The following ELAVL4 variants were observed in gnomAD, a reference collection of about 807,000 sequenced individuals.
ELAVL4 encodes the protein ELAV-like protein 4.
A neutral mutation model predicts 35.6 loss-of-function variants in ELAVL4; 1 was observed. The observed-to-expected ratio is 0.03, with a 90% CI of 0.01 to 0.13. The LOEUF (loss-of-function observed/expected upper bound fraction) is 0.13, where lower values mean the gene tolerates loss of function less well. Among genes scored for constraint, ELAVL4 ranks in the 10% least tolerant of loss-of-function variants. The pLI is 1.00. For synonymous variants in ELAVL4, 156 were observed against 171.0 expected (o/e 0.91, Z 0.69); for missense variants, 267 against 464.9 (o/e 0.57, Z 3.91).
intron 1 of ELAVL4, among the ~76,000 whole-genome samples, chr1:50,084,314 T>A (rs2148499160): frequency 6.6e-6 from 1 of 152,316 alleles, no homozygotes; most frequent in East Asian, 1.9e-4. Context: ...TTTATAGATT[T>A]GGTAACTAAG....
At chr1:50,135,122 C>T (rs966823799) in intron 1 of ELAVL4, among the ~76,000 whole-genome samples, 12 of 151,934 alleles carry the variant, frequency 7.9e-5, no homozygotes, top group African/African-American at 2.4e-4. Flanking sequence ...TTTTAAAAGC[C>T]CTGACTACCA....
In ELAVL4 at chr1:50,201,639, A is replaced by C. The variant is rs1644398634; in HGVS notation, c.*461A>C. On this transcript the variant is annotated 3_prime_UTR_variant, in exon 7 of 7. Transcript: ENST00000371824. This position sits in a 1 kb window ranked among gnomAD's most constrained non-coding sequence, Gnocchi z 4.3. ...TAATGGGATTCAAAGAAAGGAAAAA[A>C]AGATTTTTCTTTTTTGTCAAAATAT... The C allele has an allele frequency of 6.6e-6, 1 of 151,994 alleles. No individual in the cohort carries two copies. The highest frequency in any genetic ancestry group is 2.4e-5 in the African/African-American group (1 of 41,424). The allele number at this position is 151,994 out of a possible 1,614,324, so 9.4% of individuals were successfully genotyped here.
chr1:50,151,900 G>A (rs902732902), intron 2 of ELAVL4, among the ~76,000 whole-genome samples: 2 of 152,184 alleles, frequency 1.3e-5, no homozygotes, highest in Non-Finnish European at 2.9e-5. Context: ...GCCTAATGGG[G>A]TTGCAAAACA....
chr1:50,130,269 C>T (rs866594092), intron 1 of ELAVL4, among the ~76,000 whole-genome samples: 2 of 152,104 alleles, frequency 1.3e-5, no homozygotes, highest in Non-Finnish European at 2.9e-5. Flanking sequence ...AGTCCTCAGA[C>T]TTAGAGATTG....
chr1:50,082,303 A>G (rs1665043678), intron 1 of ELAVL4, among the ~76,000 whole-genome samples: 1 of 152,232 alleles, frequency 6.6e-6, no homozygotes, highest in Non-Finnish European at 1.5e-5. Context: ...CCATCAGTGT[A>G]AAAGCATTCC....
chr1:50,082,844 G>T (rs1330958275), intron 1 of ELAVL4, among the ~76,000 whole-genome samples: 2 of 151,896 alleles, frequency 1.3e-5, no homozygotes, highest in Non-Finnish European at 2.9e-5. Flanking sequence ...CCTTTTCTCT[G>T]TAGCTACCTA....
upstream of ELAVL4, among the ~76,000 whole-genome samples, chr1:50,101,958 G>T (rs1231446027): frequency 6.6e-6 from 1 of 152,106 alleles, no homozygotes; most frequent in Admixed American, 6.5e-5. Context: ...GTAGACTCCC[G>T]GTAAAATATA....
At chr1:50,188,954 A>C (rs182249092) in intron 3 of ELAVL4, among the ~76,000 whole-genome samples, 85 of 152,192 alleles carry the variant, frequency 5.6e-4, no homozygotes, top group African/African-American at 6.3e-4. Context: ...TCATTTGTTT[A>C]CTTTCCTTTC....
intron 1 of ELAVL4, among the ~76,000 whole-genome samples, chr1:50,128,410 A>G (rs1266203855): frequency 6.6e-6 from 1 of 152,120 alleles, no homozygotes; most frequent in Non-Finnish European, 1.5e-5. Flanking sequence ...AGATTTGGCT[A>G]TAGAAAGCAG....
chr1:50,145,038 T>C lies in ELAVL4; in HGVS notation c.91T>C (p.Cys31Arg). ...SNGPSSNNRN[C>R]PSPMQTGATT... Reference sequence around the variant, plus strand: ...TGGACCCTCCAGCAACAACAGAAACTGTCCTTCTCCCATGCAAACAGGGGC... The same window carrying C: ...TGGACCCTCCAGCAACAACAGAAACCGTCCTTCTCCCATGCAAACAGGGGC... Residue 31 changes from cysteine (C) to arginine (R), a missense_variant, in exon 2 of 7, where the codon TGT becomes CGT. Around this residue, in one of 2 missense-constraint regions of ELAVL4, gnomAD observed 51 missense variants for 55.4 expected, o/e 0.92. Transcript: ENST00000371824. The C allele has an allele frequency of 6.2e-7, 1 of 1,613,982 alleles. No homozygotes were observed. Among genetic ancestry groups the C allele is most frequent in the Non-Finnish European group, 8.5e-7 (1 of 1,179,948 alleles).
intron 3 of ELAVL4, 132 bp from the exon 4 acceptor site, chr1:50,193,633 A>T (rs1271459644): frequency 8.9e-7 from 1 of 1,124,284 alleles, no homozygotes; most frequent in Non-Finnish European, 1.3e-6. Flanking sequence ...AAAAATCTGA[A>T]CTACTGAGTG....
intron 2 of ELAVL4, among the ~76,000 whole-genome samples, chr1:50,165,700 A>G (rs1366712950): frequency 1.3e-5 from 2 of 148,728 alleles, no homozygotes; most frequent in African/African-American, 4.9e-5. Flanking sequence ...ACACACATAT[A>G]CATATATACT....
upstream of ELAVL4, chr1:50,103,900 G>A: frequency 2.5e-6 from 4 of 1,610,944 alleles, no homozygotes; most frequent in Non-Finnish European, 3.4e-6. Context: ...GGTGTGAAGA[G>A]AGAGGCTCAG....
chr1:50,109,016 C>CGGGGGGGGGCGG lies in ELAVL4; in HGVS notation c.-174_-173insGGGGGGGGGCGG. ...CTCCTTTTCTTTTTTTTCTTTCTCTCCCCCGCCCACCCCCCCAAAAATAAT... is the reference window on the plus strand; with the variant it reads ...CTCCTTTTCTTTTTTTTCTTTCTCTCGGGGGGGGGCGGCCCCGCCCACCCCCCCAAAAATAAT... On this transcript the variant is annotated 5_prime_UTR_variant, in exon 1 of 7. Transcript: ENST00000371824. The CGGGGGGGGGCGG allele has an allele frequency of 4.4e-6, 4 of 905,710 alleles. No individual in the cohort carries two copies. The highest frequency in any genetic ancestry group is 5.3e-6 in the Non-Finnish European group (4 of 761,326). 56.1% of individuals were successfully genotyped at this position (905,710 alleles called of 1,614,324 possible).
At chr1:50,109,931 C>G (rs1557710159) in intron 1 of ELAVL4, 1 of 1,612,300 alleles carries the variant, frequency 6.2e-7, no homozygotes, top group African/African-American at 1.3e-5. Flanking sequence ...CCATCTTCTT[C>G]TGATCACAGA....
At chr1:50,196,561 T>A (rs1294889417) in intron 5 of ELAVL4, among the ~76,000 whole-genome samples, 1 of 152,248 alleles carries the variant, frequency 6.6e-6, no homozygotes, top group Non-Finnish European at 1.5e-5. Flanking sequence ...TGTTTTTCTC[T>A]TTGAGAAACT....
At chr1:50,168,154 G>T (rs1678289394) in intron 2 of ELAVL4, among the ~76,000 whole-genome samples, 1 of 152,068 alleles carries the variant, frequency 6.6e-6, no homozygotes, top group African/African-American at 2.4e-5. Context: ...TTTAAACCAG[G>T]CCCTAGTTTT....
At chr1:50,075,562 G>A (rs896370737) in intron 1 of ELAVL4, among the ~76,000 whole-genome samples, 4 of 152,168 alleles carry the variant, frequency 2.6e-5, no homozygotes, top group African/African-American at 9.7e-5. Context: ...CAGCATGGAG[G>A]CCTGGAAGGC....
chr1:50,142,304 A>G (rs12057147), intron 1 of ELAVL4, among the ~76,000 whole-genome samples: 88 of 152,238 alleles, frequency 5.8e-4, no homozygotes, highest in African/African-American at 2.0e-3. Context: ...GGTTCAAGTG[A>G]TTCTCCTGCC....
Sources: allele counts gnomAD v4.1 joint callset (sites outside exome capture counted in the v4.1 genomes callset), GRCh38; gene constraint gnomAD v4.1.1; regional missense constraint gnomAD v4.1.1; non-coding constraint Gnocchi (gnomAD v3.1); transcripts MANE v1.5; gene names NCBI Gene and HGNC (gene_info 2026-07-23, HGNC 2026-07-21).